The following NOL3 variants were observed in gnomAD, a reference collection of about 807,000 sequenced individuals.
NOL3 encodes muscle-enriched cytoplasmic protein.
A neutral mutation model predicts 19.2 loss-of-function variants in NOL3; 18 were observed. The ratio of observed to expected loss-of-function variants is 0.94; its 90% CI spans 0.65 to 1.39. The LOEUF (loss-of-function observed/expected upper bound fraction) is 1.39, where lower values mean the gene tolerates loss of function less well. Among genes scored for constraint, NOL3 ranks in the 40% most tolerant of loss-of-function variants. The pLI is 0.00. For synonymous variants in NOL3, 127 were observed against 137.3 expected, an observed-to-expected ratio of 0.93 and a Z score of 0.52; for missense variants, 290 against 289.5, an observed-to-expected ratio of 1.00 and a Z score of -0.01.
exon 4 of NOL3, chr16:67,175,154 T>C: frequency 6.3e-7 from 1 of 1,599,524 alleles, no homozygotes; most frequent in Non-Finnish European, 8.5e-7. Context: ...TCCAGCCCAG[T>C]ACCGCTGGAA....
At chr16:67,174,714 C>A in exon 3 of NOL3, 1 of 1,610,622 alleles carries the variant, frequency 6.2e-7, no homozygotes. Flanking sequence ...TTGCCCAGAG[C>A]TTCAGACCCT....
chr16:67,173,362 G>T (rs1174995597), intron 1 of NOL3, among the ~76,000 whole-genome samples: 1 of 152,202 alleles, frequency 6.6e-6, no homozygotes, highest in Middle Eastern at 3.2e-3. Context: ...TAGGCCTGAA[G>T]AAGATTCTGG....
chr16:67,174,406 T>C, exon 2 of NOL3: 1 of 1,542,300 alleles, frequency 6.5e-7, no homozygotes, highest in South Asian at 1.2e-5. Context: ...TGCTACGCTG[T>C]GCCCAGCGTA....
intron 1 of NOL3, among the ~76,000 whole-genome samples, chr16:67,172,174 C>T (rs995545411): frequency 8.4e-5 from 6 of 71,584 alleles, no homozygotes; most frequent in African/African-American, 1.1e-4. Context: ...AAAGCCAAGG[C>T]GGGGAGGAGA....
exon 3 of NOL3, chr16:67,174,857 G>C (rs771933264): frequency 1.9e-6 from 3 of 1,608,990 alleles, no homozygotes; most frequent in African/African-American, 1.3e-5. Flanking sequence ...GCTGGAACCC[G>C]AGGCTGAAGC....
At chr16:67,175,087 A>G (rs1439775699) in exon 4 of NOL3, 2 of 1,614,104 alleles carry the variant, frequency 1.2e-6, no homozygotes, top group Non-Finnish European at 1.7e-6. Flanking sequence ...TGCCCCGCCC[A>G]TGCTGGATAG....
chr16:67,171,544 C>A (rs1046801403), intron 1 of NOL3: 2 of 152,106 alleles, frequency 1.3e-5, no homozygotes, highest in Admixed American at 6.6e-5. Context: ...AGTAGCCAGA[C>A]CAGATATTTT....
chr16:67,172,438 C>T (rs977859959), intron 1 of NOL3, among the ~76,000 whole-genome samples: 1 of 151,328 alleles, frequency 6.6e-6, no homozygotes, highest in East Asian at 2.0e-4. Flanking sequence ...TAGTGAAACC[C>T]CGTCTCAACT....
intron 1 of NOL3, 24 bp from the exon 2 acceptor site, chr16:67,174,138 C>T (rs1168662845): frequency 1.2e-6 from 2 of 1,603,802 alleles, no homozygotes; most frequent in Non-Finnish European, 1.7e-6. Flanking sequence ...CCCCCCATTA[C>T]TTCTCTCCCC....
At chr16:67,172,236 T>G (rs2031807265) in intron 1 of NOL3, among the ~76,000 whole-genome samples, 1 of 152,098 alleles carries the variant, frequency 6.6e-6, no homozygotes, top group Admixed American at 6.5e-5. Flanking sequence ...CAAGGCCTGA[T>G]GTCTTTGCCT....
At chr16:67,174,748 C>A (rs749162421) in exon 3 of NOL3, 2 of 1,610,130 alleles carry the variant, frequency 1.2e-6, no homozygotes, top group Admixed American at 1.7e-5. Flanking sequence ...GCCCTGAGGG[C>A]TCCGAGGCGG....
At chr16:67,173,750 G>A in intron 1 of NOL3, 3 of 922,478 alleles carry the variant, frequency 3.3e-6, no homozygotes, top group Non-Finnish European at 4.8e-6. Flanking sequence ...GCCTGGTTAG[G>A]TGGGGAAGCA....
At chr16:67,173,971 G>A (rs1477711760) in intron 1 of NOL3, 191 bp from the exon 2 acceptor site, 2 of 1,537,482 alleles carry the variant, frequency 1.3e-6, no homozygotes, top group Non-Finnish European at 1.7e-6. Context: ...CGTCTGGAGA[G>A]GCAGGAGGAC....
exon 4 of NOL3, chr16:67,175,330 A>G: frequency 7.4e-7 from 1 of 1,342,852 alleles, no homozygotes; most frequent in Non-Finnish European, 9.5e-7. Flanking sequence ...TTAGGAGTCC[A>G]GGCTGCACCC....
Position 67,174,155 on chromosome 16 carries a change from C to CCGACA in NOL3, c.-8-7_-8-6insCGACA. 1 of 1,605,236 alleles carries CCGACA rather than the reference C, an allele frequency of 6.2e-7. No individual in the cohort carries two copies. The highest frequency in any genetic ancestry group is 8.5e-7 in the Non-Finnish European group (1 of 1,174,982). ...CCCCATTACTTCTCTCCCCTTTCCC[C>CCGACA]ATGCAGCCCCGACAATGGGCAACGC... On this transcript the variant is annotated splice_region_variant and splice_polypyrimidine_tract_variant and intron_variant, in intron 1 of 3. Coordinates refer to ENST00000268605, the Ensembl canonical transcript of NOL3.
At chr16:67,174,403 C>T (rs1312402220) in exon 2 of NOL3, 2 of 1,546,958 alleles carry the variant, frequency 1.3e-6, no homozygotes, top group African/African-American at 2.7e-5. Context: ...AGCTGCTACG[C>T]TGTGCCCAGC....
rs2032089261 is a variant in NOL3, at chr16:67,175,033, C to G, written c.620-14C>G. On this transcript the variant is annotated splice_polypyrimidine_tract_variant and intron_variant, in intron 3 of 3. Transcript: ENST00000268605. Reference sequence around the variant, plus strand: ...GGACCCCACCTCTTTGACCACTGTTCCCGTCATCTCTAGATTCCTGAAGGC... The same window carrying G: ...GGACCCCACCTCTTTGACCACTGTTGCCGTCATCTCTAGATTCCTGAAGGC... 6.2e-7 allele frequency: 1 copy of G among 1,614,068 alleles called. No homozygotes were observed. The highest frequency in any genetic ancestry group is 8.5e-7 in the Non-Finnish European group (1 of 1,179,908).
In NOL3 at chr16:67,170,785, G is replaced by C. The variant is rs553609153; in HGVS notation, c.-9+211G>C. 1.6e-4 allele frequency among the ~76,000 whole-genome samples: 24 copies of C among 150,404 alleles called. No homozygotes were observed. The highest frequency in any genetic ancestry group is 2.5e-4 in the African/African-American group (10 of 39,836). ...GTGGAGGGAGGTAAGGGGCGGGGGG[G>C]GAAAATCCGTGCAGTCGCACATGCG... On this transcript the variant is annotated intron_variant, in intron 1 of 3. Transcript: ENST00000268605. This position sits in a 1 kb window ranked among gnomAD's most constrained non-coding sequence, Gnocchi z 5.7.
chr16:67,172,175 G>A (rs1298701868), intron 1 of NOL3, among the ~76,000 whole-genome samples: 3 of 151,710 alleles, frequency 2.0e-5, no homozygotes, highest in Non-Finnish European at 2.9e-5. Context: ...AAGCCAAGGC[G>A]GGGAGGAGAA....
Sources: gnomAD v4.1 joint callset for allele counts (sites outside exome capture counted in the v4.1 genomes callset) on GRCh38, gnomAD v4.1.1 for gene constraint, Gnocchi (gnomAD v3.1) non-coding constraint, MANE v1.5 for transcripts, NCBI Gene and HGNC (gene_info 2026-07-23, HGNC 2026-07-21) for gene names.